NUFIP1: variants seen among roughly 807,000 people sequenced by gnomAD.
The protein encoded by NUFIP1 is FMR1-interacting protein NUFIP1.
A neutral mutation model predicts 56.2 loss-of-function variants in NUFIP1; 38 were observed. That is an observed-to-expected ratio of 0.68 (90% CI 0.52 to 0.89). The LOEUF is 0.89. Ranked by LOEUF, NUFIP1 falls within the 40% of genes least tolerant of loss-of-function variation. The probability of loss-of-function intolerance (pLI) is 0.00; values close to 1 mark genes in which losing one functional copy is unlikely to be tolerated. For missense variants in NUFIP1, 567 were observed against 605.8 expected (o/e 0.94, Z 0.67); for synonymous variants, 215 against 212.4 (o/e 1.01, Z -0.10).
chr13:44,953,800 A>C (rs1041664842), intron 7 of NUFIP1, among the ~76,000 whole-genome samples: 6 of 152,152 alleles, frequency 3.9e-5, no homozygotes, highest in Non-Finnish European at 7.4e-5. Context: ...TTAGAGTGCT[A>C]GGTATACTTG....
At chr13:44,971,308 A>G (rs1175125643) in intron 5 of NUFIP1, among the ~76,000 whole-genome samples, 1 of 151,928 alleles carries the variant, frequency 6.6e-6, no homozygotes, top group Non-Finnish European at 1.5e-5. Flanking sequence ...AATTTCACAA[A>G]CCTATAACCT....
intron 1 of NUFIP1, among the ~76,000 whole-genome samples, chr13:44,983,806 C>T (rs958422953): frequency 3.9e-5 from 6 of 152,086 alleles, no homozygotes; most frequent in African/African-American, 1.4e-4. Context: ...CAAAAAGCAA[C>T]AATAATAAAG....
At chr13:44,941,734 C>T (rs1334843271) in intron 9 of NUFIP1, among the ~76,000 whole-genome samples, 1 of 151,926 alleles carries the variant, frequency 6.6e-6, no homozygotes, top group Non-Finnish European at 1.5e-5. Flanking sequence ...AGGATGGTCT[C>T]GATCTCCTGA....
At chr13:44,987,008 G>A (rs966341601) in intron 1 of NUFIP1, among the ~76,000 whole-genome samples, 4 of 152,030 alleles carry the variant, frequency 2.6e-5, no homozygotes, top group South Asian at 2.1e-4. Context: ...TTGTAGAGAC[G>A]GGGGTCTCAC....
chr13:44,953,324 T>C (rs1871136933), intron 7 of NUFIP1, among the ~76,000 whole-genome samples: 1 of 152,176 alleles, frequency 6.6e-6, no homozygotes, highest in Non-Finnish European at 1.5e-5. Context: ...AAATATTGTT[T>C]CATTTTAACG....
chr13:44,949,812 GTT>G lies in NUFIP1; in HGVS notation c.1046_1047del (p.Gln349ProfsTer18), dbSNP rs1871028847. 1 of 1,613,940 alleles carries G rather than the reference GTT, an allele frequency of 6.2e-7. No homozygotes were observed. The highest frequency in any genetic ancestry group is 8.5e-7 in the Non-Finnish European group (1 of 1,179,932). ...DSESDKEEKP[Q>X]HSVIPKEVTP... The stretch of plus-strand genomic sequence containing the variant: ...GTCACTTCCTTGGGTATCACAGAAT[GTT>G]GTGGTTTCTCCTCCTTATCAGACTC... On this transcript the variant is annotated frameshift_variant, in exon 8 of 10. Transcript: ENST00000379161. LOFTEE classifies it high-confidence loss of function.
rs777884145 is a variant in NUFIP1 at position 44,989,362 on chromosome 13, C to T, written c.75G>A (p.Gly25=). ...GCGGCGGGGCAGTGTCGCTCAGGGG[C>T]CCTAACGTGGGAGTCAGCTCGGGAG... is the stretch of plus-strand genomic sequence containing the variant. The part of the protein sequence containing the change: ...HASPELTPTL[G]PLSDTAPPRD... Residue 25 remains glycine, a synonymous_variant, in exon 1 of 10, where the codon GGG becomes GGA. Transcript: ENST00000379161. 3.1e-6 allele frequency: 5 copies of T among 1,613,166 alleles called. No homozygotes were observed. Among genetic ancestry groups the T allele is most frequent in the Non-Finnish European group, 4.2e-6 (5 of 1,179,782 alleles).
intron 7 of NUFIP1, among the ~76,000 whole-genome samples, chr13:44,958,960 AT>A (rs906323577): frequency 3.3e-5 from 5 of 152,196 alleles, no homozygotes; most frequent in African/African-American, 1.2e-4. Context: ...ATGAATTAGT[AT>A]TTTTTGCCCA....
At chr13:44,979,503 T>C (rs1031353211) in intron 4 of NUFIP1, among the ~76,000 whole-genome samples, 2 of 152,206 alleles carry the variant, frequency 1.3e-5, no homozygotes, top group Non-Finnish European at 2.9e-5. Flanking sequence ...AAAGTAGATA[T>C]GCCACCCATT....
chr13:44,962,512 T>G (rs1243987815), intron 6 of NUFIP1, among the ~76,000 whole-genome samples: 1 of 152,240 alleles, frequency 6.6e-6, no homozygotes, highest in African/African-American at 2.4e-5. Flanking sequence ...TAATGACATT[T>G]TGATCAACAA....
chr13:44,966,081 GA>G, intron 5 of NUFIP1, 145 bp from the exon 6 acceptor site: 2 of 437,574 alleles, frequency 4.6e-6, no homozygotes, highest in Non-Finnish European at 7.9e-6. Context: ...AATTTTTTAA[GA>G]GGGAAAAAAG....
At chr13:44,961,929 T>C (rs1436589449) in intron 6 of NUFIP1, among the ~76,000 whole-genome samples, 1 of 152,256 alleles carries the variant, frequency 6.6e-6, no homozygotes, top group Admixed American at 6.5e-5. Flanking sequence ...GTGTATCTGT[T>C]ATTTGCACTC....
chr13:44,962,628 T>A (rs760994485), intron 6 of NUFIP1, among the ~76,000 whole-genome samples: 15 of 152,184 alleles, frequency 9.9e-5, no homozygotes, highest in Admixed American at 6.5e-5. Context: ...TAAAACAATT[T>A]AGTGTAGCCT....
Position 44,948,142 on chromosome 13 carries a change from T to C in NUFIP1, c.1138+1580A>G, listed in dbSNP as rs892986655. On this transcript the variant is annotated intron_variant, in intron 8 of 9. Coordinates refer to ENST00000379161, the MANE Select transcript of NUFIP1 (RefSeq NM_012345.3). ...GCCATCTCCATCAAACTACATTTCCTTTTTTTTTTTTTTTTTTTTTGAGCC... is the reference window on the plus strand; with the variant it reads ...GCCATCTCCATCAAACTACATTTCCCTTTTTTTTTTTTTTTTTTTTGAGCC... 1.1e-4 allele frequency among the ~76,000 whole-genome samples: 9 copies of C among 84,378 alleles called. No individual in the cohort carries two copies. The South Asian group carries it at 1.5e-3, about 14-fold the overall frequency. 55.4% of individuals were successfully genotyped at this position (84,378 alleles called of 152,430 possible).
At chr13:44,957,363 C>T (rs1871281380) in intron 7 of NUFIP1, among the ~76,000 whole-genome samples, 1 of 152,164 alleles carries the variant, frequency 6.6e-6, no homozygotes, top group African/African-American at 2.4e-5. Context: ...AGGCATGCAC[C>T]ATCACACCCG....
At chr13:44,945,546 A>C (rs1870877918) in intron 8 of NUFIP1, among the ~76,000 whole-genome samples, 1 of 152,190 alleles carries the variant, frequency 6.6e-6, no homozygotes, top group South Asian at 2.1e-4. Context: ...AATATCCCTC[A>C]TGAACATGTA....
rs754135785 is a variant in NUFIP1, at chr13:44,965,859, G to A, written c.812C>T (p.Thr271Ile). 1 of 1,596,080 alleles carries A rather than the reference G, an allele frequency of 6.3e-7. No individual in the cohort carries two copies. Among genetic ancestry groups the A allele is most frequent in the East Asian group, 2.3e-5 (1 of 44,082 alleles). The change falls in exon 6 of 10, where the codon ACA (threonine) becomes ATA (isoleucine). Residue 271 changes from threonine to isoleucine, a missense_variant. Thr to Ile is a moderately conservative substitution (Grantham distance 89, BLOSUM62 -1). Coordinates refer to ENST00000379161, the MANE Select transcript of NUFIP1 (RefSeq NM_012345.3). ...AGGAGCTTACCCATATTGTGTTGTTGTCAATACTGCTCCTCTCTTCTCCTT... is the reference window on the plus strand; with the variant it reads ...AGGAGCTTACCCATATTGTGTTGTTATCAATACTGCTCCTCTCTTCTCCTT... ...LEKEKRGAVL[T>I]TTQYGKMKGM...
At chr13:44,962,481 C>T (rs1156608291) in intron 6 of NUFIP1, among the ~76,000 whole-genome samples, 1 of 152,210 alleles carries the variant, frequency 6.6e-6, no homozygotes, top group Non-Finnish European at 1.5e-5. Flanking sequence ...TTTGTATTTT[C>T]ATATGCAATC....
chr13:44,950,576 G>C (rs1172604109), intron 7 of NUFIP1, among the ~76,000 whole-genome samples: 1 of 152,052 alleles, frequency 6.6e-6, no homozygotes, highest in East Asian at 1.9e-4. Context: ...CAAACTCCTG[G>C]CCTCAAGTTG....
Sources: gnomAD v4.1 joint callset for allele counts (sites outside exome capture counted in the v4.1 genomes callset) on GRCh38, gnomAD v4.1.1 for gene constraint, MANE v1.5 for transcripts, NCBI Gene and HGNC (gene_info 2026-07-23, HGNC 2026-07-21) for gene names.